SNRPN: variants seen among roughly 807,000 people sequenced by gnomAD.
SNRPN encodes the protein small nuclear ribonucleoprotein polypeptide N, also known as small nuclear ribonucleoprotein-associated protein N.
Under a neutral mutation model 25.2 loss-of-function variants are expected in SNRPN, and 7 were observed. The observed-to-expected ratio is 0.28, with a 90% CI of 0.16 to 0.52. The LOEUF is 0.52. Ranked by LOEUF, SNRPN falls within the 20% of genes least tolerant of loss-of-function variation. SNRPN has a pLI of 0.96. For synonymous variants in SNRPN, 124 were observed against 110.6 expected (o/e 1.12, Z -0.76); for missense variants, 196 against 322.5 (o/e 0.61, Z 3.00).
At chr15:24,864,181 A>T (rs8024158) in intron 1 of SNRPN, among the ~76,000 whole-genome samples, 3 of 143,876 alleles carry the variant, frequency 2.1e-5, no homozygotes, top group Admixed American at 1.4e-4. Flanking sequence ...CGCCCACCAC[A>T]ACGCCCGGCT....
At chr15:24,944,144 C>G (rs2061738310) in intron 3 of SNRPN, among the ~76,000 whole-genome samples, 1 of 152,152 alleles carries the variant, frequency 6.6e-6, no homozygotes. Context: ...CTTGCAGAAT[C>G]ATGTGACCAT....
At chr15:24,962,079 G>C (rs1311059607) in intron 1 of SNRPN, 35 bp from the exon 2 acceptor site, 1 of 1,516,888 alleles carries the variant, frequency 6.6e-7, no homozygotes, top group East Asian at 2.2e-5. Flanking sequence ...GATTGATGCA[G>C]TCTACCAAAC....
chr15:24,864,287 C>A (rs1406975729), intron 1 of SNRPN, among the ~76,000 whole-genome samples: 4 of 149,974 alleles, frequency 2.7e-5, no homozygotes, highest in African/African-American at 9.8e-5. Context: ...CTCGGCCTCC[C>A]AAAGTGCTAG....
chr15:24,952,582 T>C (rs1242357534), upstream of SNRPN, among the ~76,000 whole-genome samples: 4 of 152,162 alleles, frequency 2.6e-5, no homozygotes, highest in Non-Finnish European at 5.9e-5. Context: ...TTGTGACCTC[T>C]CAGACTCCAA....
intron 8 of SNRPN, 52 bp downstream of exon 8, chr15:24,977,968 C>G: frequency 6.8e-7 from 1 of 1,475,578 alleles, no homozygotes; most frequent in Non-Finnish European, 9.1e-7. Flanking sequence ...TGAGAGATAG[C>G]TTACTGATTT....
rs138329619 is a variant in SNRPN, at chr15:24,834,013, C to A, written c.-579+4108C>A. 7.2e-3 allele frequency among the ~76,000 whole-genome samples: 1,093 copies of A among 152,238 alleles called. 21 individuals carry two copies. Among genetic ancestry groups the A allele is most frequent in the African/African-American group, 0.025 (1,045 of 41,484 alleles). Reference sequence around the variant, plus strand: ...TGATATTGGCTCACTGCAACCTCCACCTACCAGATTCAAGTGATTCTCTTG... The same window carrying A: ...TGATATTGGCTCACTGCAACCTCCAACTACCAGATTCAAGTGATTCTCTTG... On this transcript the variant is annotated intron_variant, in intron 2 of 12. Transcript: ENST00000400100.
At chr15:24,850,244 C>A (rs531124491) in intron 2 of SNRPN, 2 of 152,188 alleles carry the variant, frequency 1.3e-5, no homozygotes, top group African/African-American at 2.4e-5. Flanking sequence ...CAACACTTGA[C>A]AAAATAATTT....
chr15:24,958,227 G>C (rs393784), intron 1 of SNRPN, among the ~76,000 whole-genome samples: 58 of 151,932 alleles, frequency 3.8e-4, no homozygotes, highest in Admixed American at 9.8e-4. Flanking sequence ...TTGTTTATAA[G>C]GTGTCAAGGA....
chr15:24,903,807 C>G, intron 2 of SNRPN, among the ~76,000 whole-genome samples: 1 of 152,160 alleles, frequency 6.6e-6, no homozygotes, highest in East Asian at 1.9e-4. Flanking sequence ...CAGAGAGGGG[C>G]GGATCACTTG....
intron 1 of SNRPN, among the ~76,000 whole-genome samples, chr15:24,857,590 T>TC (rs1295897799): frequency 2.0e-5 from 3 of 151,524 alleles, no homozygotes; most frequent in African/African-American, 7.3e-5. Flanking sequence ...TTTGGGAATT[T>TC]TTTTTTTACT....
chr15:24,903,621 G>C (rs951503005), intron 2 of SNRPN, among the ~76,000 whole-genome samples: 2 of 152,042 alleles, frequency 1.3e-5, no homozygotes, highest in East Asian at 3.9e-4. Flanking sequence ...CAGGATTGTG[G>C]AACCATCCGG....
At chr15:24,862,896 G>A (rs909913573) in intron 1 of SNRPN, among the ~76,000 whole-genome samples, 1 of 150,752 alleles carries the variant, frequency 6.6e-6, no homozygotes, top group African/African-American at 2.5e-5. Flanking sequence ...TGGAAGGATC[G>A]CTGGGATGAA....
intron 1 of SNRPN, among the ~76,000 whole-genome samples, chr15:24,828,587 C>T (rs781246592): frequency 1.5e-4 from 23 of 152,132 alleles, no homozygotes; most frequent in Non-Finnish European, 2.4e-4. Context: ...AATAAACATA[C>T]GCTAAAAATT....
At chr15:24,908,880 A>C in intron 2 of SNRPN, 2 of 730,148 alleles carry the variant, frequency 2.7e-6, no homozygotes, top group Admixed American at 2.7e-5. Flanking sequence ...TTTGCTGTCC[A>C]TAAGTTTATT....
intron 6 of SNRPN, 34 bp from the exon 7 acceptor site, chr15:24,976,843 G>T: frequency 6.3e-7 from 1 of 1,591,890 alleles, no homozygotes; most frequent in South Asian, 1.1e-5. Context: ...CTTGTAAATT[G>T]TTTGATTTTA....
chr15:24,971,014 A>G (rs560076771), intron 3 of SNRPN, among the ~76,000 whole-genome samples: 3 of 152,108 alleles, frequency 2.0e-5, no homozygotes, highest in East Asian at 1.9e-4. Flanking sequence ...GGTGTGTCTC[A>G]TTTGCTATGT....
chr15:24,828,402 G>A (rs1375315655), intron 1 of SNRPN, among the ~76,000 whole-genome samples: 1 of 152,070 alleles, frequency 6.6e-6, no homozygotes, highest in Non-Finnish European at 1.5e-5. Context: ...ATAACGCCAT[G>A]TCATTGATGC....
At chr15:24,903,404 A>C (rs2058592303) in intron 2 of SNRPN, among the ~76,000 whole-genome samples, 1 of 152,204 alleles carries the variant, frequency 6.6e-6, no homozygotes. Context: ...GCAAAAGCGT[A>C]GAGGGTTTGG....
chr15:24,843,788 A>AACACATAC lies in SNRPN; in HGVS notation c.-579+13888_-579+13889insTACACACA, dbSNP rs111397416. ...GATGACAGAGTGAGACTCCATCACA[A>AACACATAC]ACACACACACACACACACACACACA... is the stretch of plus-strand genomic sequence containing the variant. On this transcript the variant is annotated intron_variant, in intron 2 of 12. Transcript: ENST00000400100. Among the ~76,000 whole-genome samples, 26 of 139,906 alleles carry AACACATAC rather than the reference A, an allele frequency of 1.9e-4. No homozygotes were observed. The East Asian group carries it at 5.7e-3, about 30-fold the overall frequency. The allele number at this position is 139,906 out of a possible 152,430, so 91.8% of individuals were successfully genotyped here. A position where few individuals can be genotyped will look rare whatever the true frequency, so the allele number is the denominator to read the frequency against.
Sources: allele counts gnomAD v4.1 joint callset (sites outside exome capture counted in the v4.1 genomes callset), GRCh38; gene constraint gnomAD v4.1.1; transcripts MANE v1.5; gene names NCBI Gene and HGNC (gene_info 2026-07-23, HGNC 2026-07-21).